The following ZSCAN5A variants were observed in gnomAD, a reference collection of about 807,000 sequenced individuals.
ZSCAN5A encodes the protein zinc finger and SCAN domain-containing protein 5A.
Under a neutral mutation model 23.7 loss-of-function variants are expected in ZSCAN5A, and 12 were observed. The observed-to-expected ratio is 0.51, with a 90% CI of 0.32 to 0.82. The LOEUF (loss-of-function observed/expected upper bound fraction) is 0.82, where lower values mean the gene tolerates loss of function less well. Among genes scored for constraint, ZSCAN5A ranks in the 40% least tolerant of loss-of-function variants. The pLI is 0.03. For synonymous variants in ZSCAN5A, 257 were observed against 239.9 expected, an observed-to-expected ratio of 1.07 and a Z score of -0.66; for missense variants, 597 against 617.9, an observed-to-expected ratio of 0.97 and a Z score of 0.36.
At chr19:56,231,472 C>T (rs2034458148) in intron 2 of ZSCAN5A, among the ~76,000 whole-genome samples, 1 of 152,166 alleles carries the variant, frequency 6.6e-6, no homozygotes, top group Non-Finnish European at 1.5e-5. Context: ...TGTGGAGTTT[C>T]CCTTGTCTTG....
intron 2 of ZSCAN5A, among the ~76,000 whole-genome samples, chr19:56,235,107 A>G (rs1028358226): frequency 8.4e-6 from 1 of 119,390 alleles, no homozygotes; most frequent in Non-Finnish European, 1.9e-5. Context: ...ACGGTGGGCC[A>G]AGCCTCCACT....
intron 2 of ZSCAN5A, among the ~76,000 whole-genome samples, chr19:56,289,878 T>C (rs950253203): frequency 6.6e-6 from 1 of 152,146 alleles, no homozygotes; most frequent in African/African-American, 2.4e-5. Flanking sequence ...CCTGCCAAAG[T>C]GCTGGGATTA....
intron 2 of ZSCAN5A, among the ~76,000 whole-genome samples, chr19:56,329,746 T>C (rs948607274): frequency 6.6e-6 from 1 of 152,206 alleles, no homozygotes; most frequent in African/African-American, 2.4e-5. Context: ...AGGTCAAATA[T>C]CTTATTTTGT....
rs576583948 is a variant in ZSCAN5A, at chr19:56,234,544, G to A, written c.-127-9371C>T. Among the ~76,000 whole-genome samples, 529 of 150,966 alleles carry A rather than the reference G, an allele frequency of 3.5e-3. 2 individuals carry two copies. The highest frequency in any genetic ancestry group is 0.011 in the African/African-American group (460 of 41,264). On this transcript the variant is annotated intron_variant, in intron 2 of 5. Coordinates refer to ENST00000683990, the MANE Select transcript of ZSCAN5A (RefSeq NM_001322064.3). ...TAAAACCAAAGACAGGCAGCCCGGC[G>A]CCAGGCCCGAAACCAGGCCTGGGCC... is the stretch of plus-strand genomic sequence containing the variant.
chr19:56,246,967 G>C, intron 2 of ZSCAN5A: 1 of 1,471,340 alleles, frequency 6.8e-7, no homozygotes, highest in Non-Finnish European at 9.5e-7. Context: ...CGAATCCCCA[G>C]GAAAACCTGA....
intron 2 of ZSCAN5A, among the ~76,000 whole-genome samples, chr19:56,345,807 T>A (rs1233279914): frequency 6.6e-6 from 1 of 152,224 alleles, no homozygotes; most frequent in Non-Finnish European, 1.5e-5. Flanking sequence ...TTGTAAACAA[T>A]GACATTTCTA....
At chr19:56,309,178 C>T (rs35560203) in intron 2 of ZSCAN5A, among the ~76,000 whole-genome samples, 14,375 of 152,208 alleles carry the variant, frequency 0.094, 736 homozygotes, top group Middle Eastern at 0.13. Context: ...AAACACTGTG[C>T]TGAGTGAAAG....
At chr19:56,241,991 A>G (rs1600065391) in intron 2 of ZSCAN5A, among the ~76,000 whole-genome samples, 1 of 152,084 alleles carries the variant, frequency 6.6e-6, no homozygotes, top group South Asian at 2.1e-4. Flanking sequence ...CCCTCCCTCT[A>G]TCCCTCCAGA....
intron 2 of ZSCAN5A, among the ~76,000 whole-genome samples, chr19:56,271,515 C>T (rs1475932066): frequency 1.3e-5 from 2 of 152,160 alleles, no homozygotes; most frequent in African/African-American, 4.8e-5. Context: ...TTGCCAGGAC[C>T]ATGTGCTCAC....
intron 2 of ZSCAN5A, among the ~76,000 whole-genome samples, chr19:56,333,862 T>A (rs942780085): frequency 1.1e-4 from 17 of 151,404 alleles, no homozygotes; most frequent in African/African-American, 4.1e-4. Context: ...GAAAAATATA[T>A]ATATATATAT....
At chr19:56,355,809 A>G (rs1182547109) in intron 2 of ZSCAN5A, among the ~76,000 whole-genome samples, 4 of 148,758 alleles carry the variant, frequency 2.7e-5, no homozygotes, top group African/African-American at 1.0e-4. Flanking sequence ...TCATATGTTT[A>G]GGTATTAAGC....
Position 56,225,028 on chromosome 19 carries a change from A to T in ZSCAN5A, c.19T>A (p.Ser7Thr). 6.2e-7 allele frequency: 1 copy of T among 1,601,484 alleles called. No individual in the cohort carries two copies. Among genetic ancestry groups the T allele is most frequent in the Non-Finnish European group, 8.5e-7 (1 of 1,172,102 alleles). ...CAGGATTCTCCTAGACTCCATGAGG[A>T]TGTGCAATTTGCAGCCATATCTAGT... MAANCTSSWSLGESCNR... is the reference protein window; with the variant it reads MAANCTTSWSLGESCNR... Residue 7 changes from serine to threonine, a missense_variant, in exon 3 of 6, where the codon TCC becomes ACC. This residue lies in a region of ZSCAN5A where 72 missense variants were observed against 76.8 expected (regional missense o/e 0.94). Coordinates refer to ENST00000683990, the MANE Select transcript of ZSCAN5A (RefSeq NM_001322064.3).
Position 56,242,485 on chromosome 19 carries a change from C to T in ZSCAN5A, c.-127-17312G>A, listed in dbSNP as rs1165382689. ...GTCTCCTCTGGGTTGTCTTCCCCCT[C>T]TGCTGATTGTCTCCCTGGCTGTCTC... is the stretch of plus-strand genomic sequence containing the variant. On this transcript the variant is annotated intron_variant, in intron 2 of 5. Coordinates refer to ENST00000683990, the MANE Select transcript of ZSCAN5A (RefSeq NM_001322064.3). 4.6e-5 allele frequency among the ~76,000 whole-genome samples: 7 copies of T among 152,308 alleles called. No homozygotes were observed. In the South Asian group the frequency reaches 1.2e-3, roughly 27 times the overall value.
At chr19:56,262,415 T>TTTTTTG (rs2037188896) in intron 2 of ZSCAN5A, among the ~76,000 whole-genome samples, 1 of 151,742 alleles carries the variant, frequency 6.6e-6, no homozygotes, top group African/African-American at 2.4e-5. Context: ...TCTAATTTTT[T>TTTTTTG]TTTTTTTGTT....
chr19:56,225,052 G>C lies in ZSCAN5A; in HGVS notation c.-6C>G. On this transcript the variant is annotated 5_prime_UTR_variant, in exon 3 of 6. Transcript: ENST00000683990. ...GATGTGCAATTTGCAGCCATATCTA[G>C]TGGAGAATTTTTTAATCAGTCTCTG... 6.3e-7 allele frequency: 1 copy of C among 1,574,824 alleles called. No homozygotes were observed. The highest frequency in any genetic ancestry group is 8.6e-7 in the Non-Finnish European group (1 of 1,159,616).
chr19:56,247,068 C>T (rs1259885299), intron 2 of ZSCAN5A: 5 of 760,126 alleles, frequency 6.6e-6, no homozygotes, highest in South Asian at 4.5e-5. Context: ...TTGCATGTGG[C>T]GTGTGCAATA....
chr19:56,301,082 A>C (rs2040197679), intron 2 of ZSCAN5A, among the ~76,000 whole-genome samples: 1 of 152,128 alleles, frequency 6.6e-6, no homozygotes, highest in Non-Finnish European at 1.5e-5. Flanking sequence ...AGGGGTCCCG[A>C]TCAAGACCCC....
At chr19:56,302,355 T>C (rs2040305642) in intron 2 of ZSCAN5A, among the ~76,000 whole-genome samples, 1 of 145,960 alleles carries the variant, frequency 6.9e-6, no homozygotes, top group Non-Finnish European at 1.5e-5. Flanking sequence ...TCTTCCTTTT[T>C]TCTTCCCTCC....
chr19:56,256,836 T>C (rs565262110), intron 2 of ZSCAN5A, among the ~76,000 whole-genome samples: 2 of 152,258 alleles, frequency 1.3e-5, no homozygotes, highest in South Asian at 4.2e-4. Flanking sequence ...GAAGAAATGT[T>C]TGAGAAGCAC....
Sources: allele counts gnomAD v4.1 joint callset (sites outside exome capture counted in the v4.1 genomes callset), GRCh38; gene constraint gnomAD v4.1.1; regional missense constraint gnomAD v4.1.1; transcripts MANE v1.5; gene names NCBI Gene and HGNC (gene_info 2026-07-23, HGNC 2026-07-21).